The following VPS13A variants were observed in gnomAD, a reference collection of about 807,000 sequenced individuals.
The protein encoded by VPS13A is intermembrane lipid transfer protein VPS13A.
VPS13A carries 264 observed loss-of-function variants against 390.9 expected under a neutral mutation model. That is an observed-to-expected ratio of 0.68 (90% CI 0.61 to 0.75). The LOEUF is 0.75. Among genes scored for constraint, VPS13A ranks in the 30% least tolerant of loss-of-function variants. The pLI, the probability that VPS13A is intolerant of heterozygous loss-of-function variation, is 0.00. For synonymous variants in VPS13A, 1,231 were observed against 1,227.1 expected (o/e 1.00, Z -0.07); for missense variants, 3,409 against 3,733.9 (o/e 0.91, Z 2.27).
At chr9:77,394,958 T>C (rs924815943) in intron 68 of VPS13A, among the ~76,000 whole-genome samples, 3 of 151,570 alleles carry the variant, frequency 2.0e-5, no homozygotes, top group Admixed American at 1.3e-4. Flanking sequence ...TTGTGGCTGG[T>C]TTATCTTCTA....
chr9:77,207,252 T>TATTAA, intron 5 of VPS13A, among the ~76,000 whole-genome samples: 2 of 87,274 alleles, frequency 2.3e-5, no homozygotes, highest in Non-Finnish European at 4.6e-5. Flanking sequence ...TATATATATA[T>TATTAA]AAAACGTGTT....
intron 9 of VPS13A, among the ~76,000 whole-genome samples, 183 bp downstream of exon 9, chr9:77,213,497 C>CTT (rs527345941): frequency 8.6e-5 from 12 of 140,098 alleles, no homozygotes; most frequent in Admixed American, 1.4e-4. Flanking sequence ...ACCCCCATAT[C>CTT]TTTTTTTTTT....
intron 17 of VPS13A, among the ~76,000 whole-genome samples, chr9:77,229,506 T>G (rs1226330093): frequency 6.6e-6 from 1 of 152,232 alleles, no homozygotes. Flanking sequence ...TTTTGGACAG[T>G]TCATATGAAT....
intron 67 of VPS13A, among the ~76,000 whole-genome samples, chr9:77,379,239 ATTTTTT>A (rs1324201977): frequency 1.6e-5 from 2 of 123,032 alleles, no homozygotes; most frequent in Admixed American, 1.6e-4. Context: ...TACCCAGCTA[ATTTTTT>A]TTTTTTTTTT....
chr9:77,384,630 AGTG>A (rs1423105698), intron 68 of VPS13A: 11 of 1,608,232 alleles, frequency 6.8e-6, no homozygotes, highest in Middle Eastern at 1.7e-4. Context: ...CAGTAGCAGT[AGTG>A]ATGATGATGA....
chr9:77,408,061 A>G (rs1456521263), intron 71 of VPS13A, among the ~76,000 whole-genome samples: 1 of 152,200 alleles, frequency 6.6e-6, no homozygotes, highest in Non-Finnish European at 1.5e-5. Flanking sequence ...AAGTTTGAAT[A>G]CTGATTTTGT....
rs1219736649 is a variant in VPS13A, at chr9:77,368,047, T to G, written c.8472-8T>G. On this transcript the variant is annotated splice_region_variant and splice_polypyrimidine_tract_variant and intron_variant, in intron 61 of 71. Transcript: ENST00000360280. The stretch of plus-strand genomic sequence containing the variant: ...TGTACAGACAATATATTTTTACGCT[T>G]TTTTCAGGCTTGCATTTTTTGAACT... The G allele has an allele frequency of 6.2e-7, 1 of 1,609,360 alleles. No homozygotes were observed. The highest frequency in any genetic ancestry group is 2.2e-5 in the East Asian group (1 of 44,750).
intron 19 of VPS13A, among the ~76,000 whole-genome samples, chr9:77,243,406 A>G (rs1824620236): frequency 6.6e-6 from 1 of 152,008 alleles, no homozygotes; most frequent in South Asian, 2.1e-4. Context: ...GAGCGTTTTG[A>G]TTTTGGATTT....
In VPS13A at chr9:77,225,912, T is replaced by A. The variant is rs1219490329; in HGVS notation, c.1162-14T>A. On this transcript the variant is annotated splice_polypyrimidine_tract_variant and intron_variant, in intron 13 of 71. Transcript: ENST00000360280. ...TTTTTGTAAAGTTAACACATTTTTG[T>A]TTATATTTTTCAGGAGTTGGAAAAA... 2.5e-6 allele frequency: 4 copies of A among 1,598,248 alleles called. No homozygotes were observed. The East Asian group carries it at 9.0e-5, about 36-fold the overall frequency.
At chr9:77,386,155 T>A (rs928288840) in intron 68 of VPS13A, among the ~76,000 whole-genome samples, 5 of 152,366 alleles carry the variant, frequency 3.3e-5, no homozygotes, top group African/African-American at 1.2e-4. Flanking sequence ...ATTAAAATAG[T>A]CATTGCTTTA....
chr9:77,268,680 C>A (rs1826171224), intron 23 of VPS13A, among the ~76,000 whole-genome samples: 2 of 152,154 alleles, frequency 1.3e-5, no homozygotes, highest in Admixed American at 1.3e-4. Context: ...TGGCTCACAT[C>A]TGTAATCCCA....
intron 35 of VPS13A, among the ~76,000 whole-genome samples, chr9:77,311,869 A>G (rs995466256): frequency 2.0e-5 from 3 of 152,218 alleles, no homozygotes; most frequent in African/African-American, 7.2e-5. Context: ...GAAGGTAGTA[A>G]CAATAGGATG....
At position 77,377,537 on chromosome 9, in the gene VPS13A, TTATTGC is replaced by T. The variant is rs548035372; in HGVS notation, c.9078-4437_9078-4432del. Among the ~76,000 whole-genome samples the T allele has an allele frequency of 1.2e-3, 180 of 152,326 alleles. 3 individuals are homozygous for T. Among genetic ancestry groups the T allele is most frequent in the Admixed American group, 0.011 (172 of 15,296 alleles). ...TTTCTTAATTTTATTGTTGGATTGT[TTATTGC>T]TGGTGTGTTGAATACAACTGTTTTT... On this transcript the variant is annotated intron_variant, in intron 67 of 71. Coordinates refer to ENST00000360280, the MANE Select transcript of VPS13A (RefSeq NM_033305.3).
chr9:77,190,517 A>T (rs1342684845), intron 1 of VPS13A, among the ~76,000 whole-genome samples: 1 of 152,164 alleles, frequency 6.6e-6, no homozygotes, highest in Non-Finnish European at 1.5e-5. Context: ...TTAATCAGGG[A>T]TATAGGCCTG....
At position 77,302,957 on chromosome 9, in the gene VPS13A, ACTC is replaced by A; in HGVS notation, c.3858_3860del (p.Leu1287del). On this transcript the variant is annotated inframe_deletion, in exon 34 of 72. Transcript: ENST00000360280. Reference sequence around the variant, plus strand: ...ATGCATACCAGGAAGTACTGGATCTACTCCTGCCATTAAATCTTGAGGTTGTGG... The same window carrying A: ...ATGCATACCAGGAAGTACTGGATCTACTGCCATTAAATCTTGAGGTTGTGG... The A allele has an allele frequency of 1.2e-6, 2 of 1,613,730 alleles. No homozygotes were observed. The highest frequency in any genetic ancestry group is 1.7e-6 in the Non-Finnish European group (2 of 1,179,838).
intron 1 of VPS13A, among the ~76,000 whole-genome samples, chr9:77,196,564 C>T (rs946596049): frequency 6.6e-6 from 1 of 152,108 alleles, no homozygotes; most frequent in African/African-American, 2.4e-5. Flanking sequence ...AGATTTCACA[C>T]GTGAAATCAT....
chr9:77,384,659 T>TGATGAG, intron 68 of VPS13A: 2 of 1,604,156 alleles, frequency 1.2e-6, no homozygotes, highest in Non-Finnish European at 1.7e-6. Context: ...ATGATGATGA[T>TGATGAG]GATGAGTCAG....
chr9:77,385,596 A>AT (rs1401120655), intron 68 of VPS13A, among the ~76,000 whole-genome samples: 1 of 152,024 alleles, frequency 6.6e-6, no homozygotes, highest in Non-Finnish European at 1.5e-5. Context: ...TTTTAAAAAA[A>AT]TTTCAACATA....
At chr9:77,329,340 T>G (rs1244679215) in intron 45 of VPS13A, among the ~76,000 whole-genome samples, 1 of 152,232 alleles carries the variant, frequency 6.6e-6, no homozygotes, top group Non-Finnish European at 1.5e-5. Context: ...AGGCCTACCT[T>G]TTAGCCTATC....
Sources: gnomAD v4.1 joint callset for allele counts (sites outside exome capture counted in the v4.1 genomes callset) on GRCh38, gnomAD v4.1.1 for gene constraint, MANE v1.5 for transcripts, NCBI Gene and HGNC (gene_info 2026-07-23, HGNC 2026-07-21) for gene names.